Variants in WWOX observed in about 807,000 individuals in gnomAD.
WWOX encodes the protein WW domain containing oxidoreductase.
A neutral mutation model predicts 46.2 loss-of-function variants in WWOX; 69 were observed. That is an observed-to-expected ratio of 1.49 (90% CI 1.23 to 1.82). WWOX has a LOEUF of 1.82. Among genes scored for constraint, WWOX ranks in the 40% most tolerant of loss-of-function variants. WWOX has a pLI of 0.00. For missense variants in WWOX, 919 were observed against 542.6 expected, an observed-to-expected ratio of 1.69 and a Z score of -6.89; for synonymous variants, 359 against 202.6, an observed-to-expected ratio of 1.77 and a Z score of -6.56.
At chr16:78,592,409 A>G (rs1265346608) in intron 8 of WWOX, among the ~76,000 whole-genome samples, 1 of 152,202 alleles carries the variant, frequency 6.6e-6, no homozygotes, top group Non-Finnish European at 1.5e-5. Context: ...TTAAATTACA[A>G]CCATAAGAAC....
intron 8 of WWOX, among the ~76,000 whole-genome samples, chr16:78,833,315 G>A (rs1025660091): frequency 6.6e-5 from 10 of 151,768 alleles, no homozygotes; most frequent in East Asian, 5.9e-4. Flanking sequence ...TCAAAGCACT[G>A]GGATGACAAG....
intron 8 of WWOX, among the ~76,000 whole-genome samples, chr16:78,559,081 G>T (rs2044372904): frequency 6.6e-6 from 1 of 152,220 alleles, no homozygotes; most frequent in Non-Finnish European, 1.5e-5. Flanking sequence ...CTGGCTTGGA[G>T]CCTAGCTTGG....
chr16:78,437,694 G>T (rs1367305351), intron 8 of WWOX, among the ~76,000 whole-genome samples: 1 of 152,168 alleles, frequency 6.6e-6, no homozygotes, highest in East Asian at 1.9e-4. Context: ...CTTGGAAAGT[G>T]AGTTATTTTT....
rs11379084 is a variant in WWOX at position 79,042,728 on chromosome 16, G to GTTT, written c.1057-168867_1057-168865dup. 4.2e-3 allele frequency among the ~76,000 whole-genome samples: 597 copies of GTTT among 143,104 alleles called. 9 individuals are homozygous for GTTT. The highest frequency in any genetic ancestry group is 0.014 in the African/African-American group (558 of 38,640). 93.9% of individuals were successfully genotyped at this position (143,104 alleles called of 152,430 possible). A position where few individuals can be genotyped will look rare whatever the true frequency, so the allele number is the denominator to read the frequency against. The stretch of plus-strand genomic sequence containing the variant: ...GTGGGAAGACAGATGAATACTCAGG[G>GTTT]TTTTTTTTTTTTTTTCTTCTAACTT... On this transcript the variant is annotated intron_variant, in intron 8 of 8. Coordinates refer to ENST00000566780, the MANE Select transcript of WWOX (RefSeq NM_016373.4).
In WWOX at chr16:78,670,632, A is replaced by G. The variant is rs1016640690; in HGVS notation, c.1056+237880A>G. Among the ~76,000 whole-genome samples, 9 of 152,114 alleles carry G rather than the reference A, an allele frequency of 5.9e-5. No individual in the cohort carries two copies. The East Asian group carries it at 1.7e-3, about 29-fold the overall frequency. Reference sequence around the variant, plus strand: ...CAAATTCGTGTCTATCTGGAACCTCAGAATGTGACCTCATTTGGAAATAAG... The same window carrying G: ...CAAATTCGTGTCTATCTGGAACCTCGGAATGTGACCTCATTTGGAAATAAG... On this transcript the variant is annotated intron_variant, in intron 8 of 8. Coordinates refer to ENST00000566780, the MANE Select transcript of WWOX (RefSeq NM_016373.4).
Position 78,886,713 on chromosome 16 carries a change from A to T in WWOX, c.1057-324895A>T, listed in dbSNP as rs576219926. On this transcript the variant is annotated intron_variant, in intron 8 of 8. Transcript: ENST00000566780. Reference sequence around the variant, plus strand: ...TGTAAATGAAAAGAAAAACATATAGAGAAAGAATATGTCTAAAAGAAACTG... The same window carrying T: ...TGTAAATGAAAAGAAAAACATATAGTGAAAGAATATGTCTAAAAGAAACTG... Among the ~76,000 whole-genome samples the T allele has an allele frequency of 4.0e-4, 60 of 151,528 alleles. No individual in the cohort carries two copies. The South Asian group carries it at 0.011, about 29-fold the overall frequency.
intron 8 of WWOX, among the ~76,000 whole-genome samples, chr16:78,464,657 C>G (rs1420596246): frequency 6.6e-6 from 1 of 152,058 alleles, no homozygotes; most frequent in East Asian, 1.9e-4. Flanking sequence ...TCTGTAAATC[C>G]AGAGCTGCTG....
intron 6 of WWOX, among the ~76,000 whole-genome samples, chr16:78,423,722 T>C (rs1356608649): frequency 2.6e-5 from 4 of 151,886 alleles, no homozygotes; most frequent in African/African-American, 9.7e-5. Context: ...GGTGTGCCCC[T>C]GTAGTCCCAG....
intron 5 of WWOX, among the ~76,000 whole-genome samples, chr16:78,271,451 A>C (rs921301577): frequency 2.0e-5 from 3 of 152,222 alleles, no homozygotes; most frequent in Non-Finnish European, 4.4e-5. Flanking sequence ...CTGTTTCAGC[A>C]TTGGAATATC....
chr16:78,672,455 C>A (rs926872248), intron 8 of WWOX, among the ~76,000 whole-genome samples: 1 of 152,158 alleles, frequency 6.6e-6, no homozygotes, highest in Non-Finnish European at 1.5e-5. Context: ...GGTGTGTGCA[C>A]TCCTCATGTT....
intron 8 of WWOX, among the ~76,000 whole-genome samples, chr16:78,858,338 G>GTGTT (rs1048091835): frequency 6.6e-6 from 1 of 151,696 alleles, no homozygotes; most frequent in Non-Finnish European, 1.5e-5. Context: ...ATATGTGTGT[G>GTGTT]TGTGTGTGTA....
In WWOX at chr16:78,531,962, A is replaced by G. The variant is rs976431113; in HGVS notation, c.1056+99210A>G. Among the ~76,000 whole-genome samples the G allele has an allele frequency of 3.3e-5, 5 of 152,224 alleles. No individual in the cohort carries two copies. In the East Asian group the frequency reaches 9.7e-4, roughly 29 times the overall value. On this transcript the variant is annotated intron_variant, in intron 8 of 8. Transcript: ENST00000566780. ...TCCCACCTTCCCAAAAGGGTGGGAA[A>G]TTTTTAAAGTAAAGTAATAAACAAA...
intron 5 of WWOX, among the ~76,000 whole-genome samples, chr16:78,192,198 A>G (rs2035902990): frequency 6.6e-6 from 1 of 152,162 alleles, no homozygotes; most frequent in Non-Finnish European, 1.5e-5. Flanking sequence ...TGAAATTATT[A>G]AAAAAGAAAA....
chr16:78,269,863 C>A (rs530572901), intron 5 of WWOX, among the ~76,000 whole-genome samples: 1 of 149,618 alleles, frequency 6.7e-6, no homozygotes, highest in African/African-American at 2.5e-5. Flanking sequence ...AAAATGTCAC[C>A]GTATTAGTTT....
chr16:78,953,826 C>T (rs898398800), intron 8 of WWOX, among the ~76,000 whole-genome samples: 4 of 152,224 alleles, frequency 2.6e-5, no homozygotes, highest in Non-Finnish European at 4.4e-5. Flanking sequence ...TGGGCATGAT[C>T]GAGCCACTCT....
At chr16:78,418,349 C>G in intron 6 of WWOX, among the ~76,000 whole-genome samples, 1 of 148,388 alleles carries the variant, frequency 6.7e-6, no homozygotes. Flanking sequence ...GGGCAGGAGA[C>G]AGAGTAAGAC....
At chr16:79,163,628 A>G (rs1315806144) in intron 8 of WWOX, among the ~76,000 whole-genome samples, 4 of 152,072 alleles carry the variant, frequency 2.6e-5, no homozygotes, top group Non-Finnish European at 5.9e-5. Flanking sequence ...GAGAAACGCC[A>G]TCTCTACTAA....
At chr16:78,324,575 G>T (rs549779272) in intron 5 of WWOX, among the ~76,000 whole-genome samples, 1 of 152,244 alleles carries the variant, frequency 6.6e-6, no homozygotes, top group African/African-American at 2.4e-5. Flanking sequence ...TGTGGTAAAT[G>T]CGTGTAATGG....
At chr16:79,127,854 A>G (rs561664715) in intron 8 of WWOX, among the ~76,000 whole-genome samples, 2 of 152,310 alleles carry the variant, frequency 1.3e-5, no homozygotes, top group East Asian at 3.9e-4. Context: ...TGCTTTAAGG[A>G]GAAATATTTT....
Sources: gnomAD v4.1 joint callset for allele counts (sites outside exome capture counted in the v4.1 genomes callset) on GRCh38, gnomAD v4.1.1 for gene constraint, MANE v1.5 for transcripts, NCBI Gene and HGNC (gene_info 2026-07-23, HGNC 2026-07-21) for gene names.